AIF1L: variants seen among roughly 807,000 people sequenced by gnomAD.
The protein encoded by AIF1L is allograft inflammatory factor 1-like.
Under a neutral mutation model 20.7 loss-of-function variants are expected in AIF1L, and 12 were observed. That is an observed-to-expected ratio of 0.58 (90% confidence interval 0.37 to 0.94). The LOEUF (loss-of-function observed/expected upper bound fraction) is 0.94. AIF1L is among the 40% of genes least tolerant of loss of function. AIF1L has a pLI of 0.01. For synonymous variants in AIF1L, 76 were observed against 65.1 expected, an observed-to-expected ratio of 1.17 and a Z score of -0.81; for missense variants, 173 against 185.3, an observed-to-expected ratio of 0.93 and a Z score of 0.39.
chr9:131,114,628 G>C lies in AIF1L; in HGVS notation c.202+10G>C. On this transcript the variant is annotated intron_variant, in intron 4 of 5. Coordinates refer to ENST00000247291, the MANE Select transcript of AIF1L (RefSeq NM_031426.4). ...AATGAAGGCGAGATTGGTGAGTGAA[G>C]CCTTGAGTGTGTTTAGGGAGGAGGG... 6.2e-7 allele frequency: 1 copy of C among 1,614,076 alleles called. No homozygotes were observed.
rs544708307 is a variant in AIF1L at position 131,111,316 on chromosome 9, G to A, written c.94-281G>A. 6 of 359,070 alleles carry A rather than the reference G, an allele frequency of 1.7e-5. No individual in the cohort carries two copies. In the South Asian group the frequency reaches 3.1e-4, roughly 18 times the overall value. The allele number at this position is 359,070 out of a possible 1,614,324, so 22.2% of individuals were successfully genotyped here. A position where few individuals can be genotyped will look rare whatever the true frequency, so the allele number is the denominator to read the frequency against. ...CTGGGGTGTCTTGGGGGAGGGGCAC[G>A]GGTCCCAGCATTGGTAATGTAGCTG... is the stretch of plus-strand genomic sequence containing the variant. On this transcript the variant is annotated intron_variant, in intron 2 of 5. Coordinates refer to ENST00000247291, the MANE Select transcript of AIF1L (RefSeq NM_031426.4).
chr9:131,113,668 T>TA (rs200918604), intron 3 of AIF1L, among the ~76,000 whole-genome samples: 1,639 of 151,090 alleles, frequency 0.011, 105 homozygotes, highest in Admixed American at 0.094. Context: ...AGACTCCTTC[T>TA]AAAAAAAAGA....
intron 3 of AIF1L, chr9:131,114,300 C>T (rs998483876): frequency 3.4e-5 from 15 of 437,318 alleles, no homozygotes; most frequent in Non-Finnish European, 5.1e-5. Context: ...GCTGGGGACC[C>T]GGGAGAAAGC....
chr9:131,114,674 T>C (rs1332291656), intron 4 of AIF1L, 56 bp downstream of exon 4: 3 of 1,600,736 alleles, frequency 1.9e-6, no homozygotes, highest in African/African-American at 1.3e-5. Flanking sequence ...GTAGAGGGCT[T>C]GAGGGACCCT....
At chr9:131,108,622 A>G (rs1182441126) in intron 2 of AIF1L, among the ~76,000 whole-genome samples, 1 of 152,194 alleles carries the variant, frequency 6.6e-6, no homozygotes, top group African/African-American at 2.4e-5. Flanking sequence ...GCTACAGCCA[A>G]TGTTTTACCA....
chr9:131,111,710 C>A, intron 3 of AIF1L, 47 bp downstream of exon 3: 1 of 1,580,318 alleles, frequency 6.3e-7, no homozygotes, highest in Admixed American at 1.7e-5. Context: ...GGGAGGTGGG[C>A]TGGCCCCTCA....
intron 4 of AIF1L, among the ~76,000 whole-genome samples, chr9:131,115,644 C>G (rs1830994862): frequency 6.6e-6 from 1 of 151,476 alleles, no homozygotes; most frequent in Admixed American, 6.6e-5. Context: ...TTTTCTTCTC[C>G]CTTTAGAATA....
At chr9:131,101,815 G>A (rs1363017720) in intron 2 of AIF1L, among the ~76,000 whole-genome samples, 1 of 152,190 alleles carries the variant, frequency 6.6e-6, no homozygotes, top group African/African-American at 2.4e-5. Context: ...ATATCGATAA[G>A]GATCTCTGGC....
chr9:131,121,016 A>G lies in AIF1L; in HGVS notation c.*694A>G, dbSNP rs551305193. ...CAGCTGAGAGGCAGCGTGCAGCCCTACTGTCCCTTACTGGGGCAGCAGAGG... is the reference window on the plus strand; with the variant it reads ...CAGCTGAGAGGCAGCGTGCAGCCCTGCTGTCCCTTACTGGGGCAGCAGAGG... On this transcript the variant is annotated 3_prime_UTR_variant, in exon 6 of 6. Coordinates refer to ENST00000247291, the MANE Select transcript of AIF1L (RefSeq NM_031426.4). 33 of 676,706 alleles carry G rather than the reference A, an allele frequency of 4.9e-5. No homozygotes were observed. The African/African-American group carries it at 5.3e-4, about 11-fold the overall frequency. 41.9% of individuals were successfully genotyped at this position (676,706 alleles called of 1,614,324 possible). A position where few individuals can be genotyped will look rare whatever the true frequency, so the allele number is the denominator to read the frequency against.
At chr9:131,119,376 C>G (rs1831084439) in intron 5 of AIF1L, among the ~76,000 whole-genome samples, 1 of 152,140 alleles carries the variant, frequency 6.6e-6, no homozygotes, top group Admixed American at 6.5e-5. Flanking sequence ...TGGCTCACGC[C>G]TGTAATCCTG....
chr9:131,112,648 G>A (rs1172119523), intron 3 of AIF1L, among the ~76,000 whole-genome samples: 1 of 152,152 alleles, frequency 6.6e-6, no homozygotes, highest in Admixed American at 6.6e-5. Flanking sequence ...GCTCGCCTAG[G>A]GCAGAGTTGG....
chr9:131,112,782 G>A (rs1830921346), intron 3 of AIF1L, among the ~76,000 whole-genome samples: 1 of 152,102 alleles, frequency 6.6e-6, no homozygotes, highest in South Asian at 2.1e-4. Context: ...CCCCATCCCA[G>A]CCACCTGTAG....
chr9:131,120,876 C>T lies in AIF1L; in HGVS notation c.*554C>T. 1 of 486,874 alleles carries T rather than the reference C, an allele frequency of 2.1e-6. No individual in the cohort carries two copies. The highest frequency in any genetic ancestry group is 3.7e-6 in the Non-Finnish European group (1 of 273,436). The allele number at this position is 486,874 out of a possible 1,614,324, so 30.2% of individuals were successfully genotyped here. A position where few individuals can be genotyped will look rare whatever the true frequency, so the allele number is the denominator to read the frequency against. ...GCTGATCCCCACTCATTCCACACCT[C>T]TTCTCATCCTCAGTGATGTGAAGGT... On this transcript the variant is annotated 3_prime_UTR_variant, in exon 6 of 6. Transcript: ENST00000247291.
At chr9:131,117,645 G>T in intron 4 of AIF1L, 111 bp from the exon 5 acceptor site, 2 of 1,173,054 alleles carry the variant, frequency 1.7e-6, no homozygotes, top group Non-Finnish European at 2.4e-6. Context: ...TAGAGAAGGA[G>T]TGCAGACGCC....
chr9:131,114,320 C>G, intron 3 of AIF1L: 1 of 471,340 alleles, frequency 2.1e-6, no homozygotes, highest in Non-Finnish European at 3.9e-6. Flanking sequence ...CAGCTGCCCT[C>G]CTGGTAAGAG....
chr9:131,118,666 C>T (rs993845042), intron 5 of AIF1L, among the ~76,000 whole-genome samples: 2 of 151,892 alleles, frequency 1.3e-5, no homozygotes, highest in African/African-American at 4.8e-5. Context: ...CCTGCCTCAG[C>T]CTCCCGAGTA....
At chr9:131,111,492 G>T in intron 2 of AIF1L, 105 bp from the exon 3 acceptor site, 1 of 1,019,086 alleles carries the variant, frequency 9.8e-7, no homozygotes. Flanking sequence ...GGGTCTGGTC[G>T]CACCTGGTTA....
At chr9:131,107,525 C>G (rs1830779564) in intron 2 of AIF1L, among the ~76,000 whole-genome samples, 1 of 152,206 alleles carries the variant, frequency 6.6e-6, no homozygotes. Context: ...GGAAGGTTCT[C>G]TAGTTCTTGG....
intron 5 of AIF1L, among the ~76,000 whole-genome samples, chr9:131,119,161 T>C (rs1213418451): frequency 1.8e-5 from 1 of 54,476 alleles, no homozygotes; most frequent in African/African-American, 3.4e-5. Flanking sequence ...TTGAAGAGCG[T>C]TACAGCATTG....
Sources: gnomAD v4.1 joint callset for allele counts (sites outside exome capture counted in the v4.1 genomes callset) on GRCh38, gnomAD v4.1.1 for gene constraint, MANE v1.5 for transcripts, NCBI Gene and HGNC (gene_info 2026-07-23, HGNC 2026-07-21) for gene names.